GRM8: variants seen among roughly 807,000 people sequenced by gnomAD.
GRM8 encodes metabotropic glutamate receptor 8.
GRM8 carries 47 observed loss-of-function variants against 87.2 expected under a neutral mutation model. That is an observed-to-expected ratio of 0.54 (90% CI 0.43 to 0.69). GRM8 has a LOEUF of 0.69. Ranked by LOEUF, GRM8 falls within the 30% of genes least tolerant of loss-of-function variation. The pLI is 0.00. For missense variants in GRM8, 1,019 were observed against 1,139.2 expected (o/e 0.89, Z 1.52); for synonymous variants, 396 against 404.5 (o/e 0.98, Z 0.25).
rs973597730 is a variant in GRM8 at position 127,131,469 on chromosome 7, C to G, written c.511-24757G>C. 1.3e-5 allele frequency among the ~76,000 whole-genome samples: 2 copies of G among 152,218 alleles called. 1 individual carries two copies. The highest frequency in any genetic ancestry group is 4.2e-4 in the South Asian group (2 of 4,816). Reference sequence around the variant, plus strand: ...TCAATCAATTTTTTAAACTATTTATCTGGAAAAGTTTATTCCCATTCTAAG... The same window carrying G: ...TCAATCAATTTTTTAAACTATTTATGTGGAAAAGTTTATTCCCATTCTAAG... On this transcript the variant is annotated intron_variant, in intron 2 of 10. Coordinates refer to ENST00000339582, the MANE Select transcript of GRM8 (RefSeq NM_000845.3).
intron 9 of GRM8, among the ~76,000 whole-genome samples, chr7:126,518,878 A>G (rs1812555607): frequency 6.6e-6 from 1 of 152,066 alleles, no homozygotes; most frequent in Admixed American, 6.6e-5. Context: ...ACTTGAGGTA[A>G]GAGGACAAGA....
Position 126,916,428 on chromosome 7 carries a change from A to G in GRM8, c.728-11745T>C, listed in dbSNP as rs116083900. Among the ~76,000 whole-genome samples, 1,104 of 152,340 alleles carry G rather than the reference A, an allele frequency of 7.2e-3. 13 individuals carry two copies. The highest frequency in any genetic ancestry group is 0.026 in the African/African-American group (1,064 of 41,574). On this transcript the variant is annotated intron_variant, in intron 3 of 10. Transcript: ENST00000339582. ...AGCATATCCATGTTTTAAAACCACCATCATTCAGAAAAAGGCAAAGTATCT... is the reference window on the plus strand; with the variant it reads ...AGCATATCCATGTTTTAAAACCACCGTCATTCAGAAAAAGGCAAAGTATCT...
intron 6 of GRM8, among the ~76,000 whole-genome samples, chr7:126,871,720 T>A (rs749319769): frequency 6.6e-6 from 1 of 152,196 alleles, no homozygotes; most frequent in Non-Finnish European, 1.5e-5. Context: ...CCTGCCAATA[T>A]ATGACCAAAG....
rs191540912 is a variant in GRM8, at chr7:126,712,510, A to C, written c.1357+57355T>G. Among the ~76,000 whole-genome samples, 430 of 152,338 alleles carry C rather than the reference A, an allele frequency of 2.8e-3. 7 individuals carry two copies. The highest frequency in any genetic ancestry group is 9.8e-3 in the African/African-American group (409 of 41,584). On this transcript the variant is annotated intron_variant, in intron 7 of 10. Coordinates refer to ENST00000339582, the MANE Select transcript of GRM8 (RefSeq NM_000845.3). ...GACTTGAAATAGAGTTCTCACAAAA[A>C]TGCAATTTGTAAGAAACACAGTACC...
chr7:126,629,314 T>G (rs1395975358), intron 7 of GRM8, among the ~76,000 whole-genome samples: 1 of 152,210 alleles, frequency 6.6e-6, no homozygotes, highest in Non-Finnish European at 1.5e-5. Flanking sequence ...CATTACATTT[T>G]TAAGCCAAAA....
At chr7:127,172,671 A>C (rs1793879237) in intron 2 of GRM8, among the ~76,000 whole-genome samples, 1 of 151,430 alleles carries the variant, frequency 6.6e-6, no homozygotes, top group African/African-American at 2.4e-5. Flanking sequence ...TCATGCCATT[A>C]GCACTCCAGG....
chr7:126,472,906 A>G (rs1264022535), intron 9 of GRM8, among the ~76,000 whole-genome samples: 1 of 152,216 alleles, frequency 6.6e-6, no homozygotes, highest in Non-Finnish European at 1.5e-5. Context: ...AAGCTTTGGC[A>G]GTTTATAAAT....
intron 3 of GRM8, among the ~76,000 whole-genome samples, chr7:126,909,772 A>G (rs1803099902): frequency 6.6e-6 from 1 of 152,104 alleles, no homozygotes; most frequent in Non-Finnish European, 1.5e-5. Context: ...TCTATTCCTA[A>G]TGGCAGAACT....
chr7:126,621,890 T>G (rs1332538879), intron 7 of GRM8, among the ~76,000 whole-genome samples: 2 of 152,104 alleles, frequency 1.3e-5, no homozygotes, highest in Admixed American at 1.3e-4. Context: ...ACTTCCCAAT[T>G]CATTAATCAC....
At chr7:127,086,379 C>T (rs1015679202) in intron 3 of GRM8, among the ~76,000 whole-genome samples, 8 of 152,142 alleles carry the variant, frequency 5.3e-5, no homozygotes, top group African/African-American at 1.7e-4. Context: ...AGATTACAGG[C>T]GTGAGCCACT....
At chr7:126,881,037 T>C (rs1799975895) in intron 6 of GRM8, among the ~76,000 whole-genome samples, 1 of 152,362 alleles carries the variant, frequency 6.6e-6, no homozygotes, top group African/African-American at 2.4e-5. Context: ...ATGCTAGTGC[T>C]AGTGATCCTA....
intron 7 of GRM8, among the ~76,000 whole-genome samples, chr7:126,693,047 G>A (rs1470499558): frequency 1.3e-5 from 2 of 152,164 alleles, no homozygotes; most frequent in African/African-American, 4.8e-5. Context: ...AAGTTGGCTG[G>A]AAGAGTGAAT....
At chr7:127,056,671 C>T (rs750196812) in intron 3 of GRM8, among the ~76,000 whole-genome samples, 8 of 152,194 alleles carry the variant, frequency 5.3e-5, no homozygotes, top group Non-Finnish European at 1.2e-4. Context: ...AATCAAGACA[C>T]AGCCTGTTGG....
chr7:126,480,409 G>A (rs762901140), intron 9 of GRM8, among the ~76,000 whole-genome samples: 7 of 152,012 alleles, frequency 4.6e-5, no homozygotes, highest in Admixed American at 2.0e-4. Context: ...AAATAAGTAA[G>A]TAAATAAAAT....
intron 7 of GRM8, among the ~76,000 whole-genome samples, chr7:126,702,412 C>T (rs138302959): frequency 1.7e-4 from 26 of 152,262 alleles, no homozygotes; most frequent in African/African-American, 5.1e-4. Context: ...TATCCTCCTC[C>T]GCAGCTAGGG....
Position 127,243,440 on chromosome 7 carries a change from G to A in GRM8, c.-236C>T, listed in dbSNP as rs1798420415. On this transcript the variant is annotated 5_prime_UTR_variant, in exon 2 of 11. Coordinates refer to ENST00000339582, the MANE Select transcript of GRM8 (RefSeq NM_000845.3). ...CTTGCCTGGAATGGTGCAAAAATTA[G>A]AACATCTGAGGTTCTGATGTTGGGA... 1 of 521,848 alleles carries A rather than the reference G, an allele frequency of 1.9e-6. No individual in the cohort carries two copies. Among genetic ancestry groups the A allele is most frequent in the Non-Finnish European group, 3.4e-6 (1 of 296,694 alleles). 32.3% of individuals were successfully genotyped at this position (521,848 alleles called of 1,614,324 possible).
At chr7:126,585,412 C>A (rs1401566573) in intron 8 of GRM8, among the ~76,000 whole-genome samples, 1 of 152,142 alleles carries the variant, frequency 6.6e-6, no homozygotes, top group Non-Finnish European at 1.5e-5. Context: ...GTGCCTTAAA[C>A]AACACGAAAT....
intron 6 of GRM8, among the ~76,000 whole-genome samples, chr7:126,890,334 G>A (rs1800874817): frequency 6.6e-6 from 1 of 152,026 alleles, no homozygotes; most frequent in Non-Finnish European, 1.5e-5. Flanking sequence ...CTTCCCAACC[G>A]CTCTATGAGG....
chr7:126,472,154 C>CT (rs1805344761), intron 9 of GRM8, among the ~76,000 whole-genome samples: 2 of 152,292 alleles, frequency 1.3e-5, no homozygotes, highest in South Asian at 4.1e-4. Context: ...TTGACTTCCT[C>CT]TTTTCCTAAT....
Sources: allele counts gnomAD v4.1 joint callset (sites outside exome capture counted in the v4.1 genomes callset), GRCh38; gene constraint gnomAD v4.1.1; transcripts MANE v1.5; gene names NCBI Gene and HGNC (gene_info 2026-07-23, HGNC 2026-07-21).